PYROXD2: variants seen among roughly 807,000 people sequenced by gnomAD.
PYROXD2 encodes the protein pyridine nucleotide-disulfide oxidoreductase domain-containing protein 2.
A neutral mutation model predicts 71.1 loss-of-function variants in PYROXD2; 69 were observed. The ratio of observed to expected loss-of-function variants is 0.97; its 90% confidence interval spans 0.80 to 1.19. The LOEUF (loss-of-function observed/expected upper bound fraction) is 1.19. PYROXD2 is among the 50% of genes most tolerant of loss of function. The pLI is 0.00. For synonymous variants in PYROXD2, 287 were observed against 302.7 expected (o/e 0.95, Z 0.54); for missense variants, 745 against 748.9 (o/e 0.99, Z 0.06).
At chr10:98,401,293 A>G (rs540004343) in intron 4 of PYROXD2, among the ~76,000 whole-genome samples, 1 of 151,212 alleles carries the variant, frequency 6.6e-6, no homozygotes, top group African/African-American at 2.4e-5. Context: ...TAGAAAAGGT[A>G]CATTAAGAAT....
chr10:98,390,656 C>T lies in PYROXD2; in HGVS notation c.1234G>A (p.Asp412Asn), dbSNP rs759786016. The change falls in exon 12 of 16, where the codon GAC (aspartate) becomes AAC (asparagine). Residue 412 changes from aspartate (D) to asparagine (N), a missense_variant. Physicochemically the swap from Asp to Asn is conservative, Grantham distance 23. Coordinates refer to ENST00000370575, the MANE Select transcript of PYROXD2 (RefSeq NM_032709.3). ...AAGGCCTGATGAAGGAGGAGGGTGT[C>T]TTCACAGTTCAGGTGGATGGAGCAT... The part of the protein sequence containing the change: ...HQCSIHLNCE[D>N]TLLLHQAFED... 124 of 1,612,450 alleles carry T rather than the reference C, an allele frequency of 7.7e-5. No homozygotes were observed. Among genetic ancestry groups the T allele is most frequent in the Non-Finnish European group, 1.7e-6 (2 of 1,179,138 alleles).
rs139788404 is a variant in PYROXD2 at position 98,411,360 on chromosome 10, C to T, written c.128-402G>A. ...GCTGGCATGCTGCTGCGCCAACGTCCCGTCTCGCATGGCAGCATCAGCATC... is the reference window on the plus strand; with the variant it reads ...GCTGGCATGCTGCTGCGCCAACGTCTCGTCTCGCATGGCAGCATCAGCATC... On this transcript the variant is annotated intron_variant, in intron 1 of 15. Coordinates refer to ENST00000370575, the MANE Select transcript of PYROXD2 (RefSeq NM_032709.3). 80 of 225,878 alleles carry T rather than the reference C, an allele frequency of 3.5e-4. 1 individual carries two copies. Among genetic ancestry groups the T allele is most frequent in the African/African-American group, 1.8e-3 (77 of 43,626 alleles). The allele number at this position is 225,878 out of a possible 1,614,324, so 14.0% of individuals were successfully genotyped here.
At chr10:98,404,791 TA>T (rs1192200232) in intron 4 of PYROXD2, among the ~76,000 whole-genome samples, 4 of 151,912 alleles carry the variant, frequency 2.6e-5, no homozygotes, top group Admixed American at 2.6e-4. Context: ...GAGAATGCCA[TA>T]AAAACGACCG....
At chr10:98,397,198 A>T in intron 6 of PYROXD2, 147 bp downstream of exon 6, 1 of 1,106,262 alleles carries the variant, frequency 9.0e-7, no homozygotes, top group Non-Finnish European at 1.3e-6. Flanking sequence ...AAAGTGCTCC[A>T]GGCTGCCCCT....
rs753344077 is a variant in PYROXD2, at chr10:98,415,142, C to T, written c.-7G>A. The T allele has an allele frequency of 3.7e-6, 6 of 1,611,980 alleles. No homozygotes were observed. Among genetic ancestry groups the T allele is most frequent in the Non-Finnish European group, 5.1e-6 (6 of 1,179,244 alleles). ...CTCGGCCACTTGCAGCCATTTCTGC[C>T]CCAGGCTGGGCCTTGCTAGGCAGGG... On this transcript the variant is annotated 5_prime_UTR_variant, in exon 1 of 16. Coordinates refer to ENST00000370575, the MANE Select transcript of PYROXD2 (RefSeq NM_032709.3).
chr10:98,394,563 CA>C (rs1843085798), intron 8 of PYROXD2, among the ~76,000 whole-genome samples: 1 of 151,992 alleles, frequency 6.6e-6, no homozygotes, highest in Non-Finnish European at 1.5e-5. Context: ...CACACACACA[CA>C]CACACACACA....
In PYROXD2 at chr10:98,414,990, GC is replaced by G; in HGVS notation, c.127+18del. The G allele has an allele frequency of 6.2e-7, 1 of 1,610,800 alleles. No individual in the cohort carries two copies. ...CTTCCCGCCCCTCAGCTCTGGCCCG[GC>G]CTGCTTTACCACTTTACCTGCTCCT... On this transcript the variant is annotated intron_variant, in intron 1 of 15. Coordinates refer to ENST00000370575, the MANE Select transcript of PYROXD2 (RefSeq NM_032709.3).
At chr10:98,406,021 G>A (rs1330929480) in intron 4 of PYROXD2, among the ~76,000 whole-genome samples, 1 of 152,178 alleles carries the variant, frequency 6.6e-6, no homozygotes, top group East Asian at 1.9e-4. Context: ...CAATATTCCT[G>A]GAAGGAGTTT....
At chr10:98,389,067 G>A (rs1267667854) in intron 12 of PYROXD2, among the ~76,000 whole-genome samples, 3 of 152,072 alleles carry the variant, frequency 2.0e-5, no homozygotes, top group Admixed American at 1.3e-4. Flanking sequence ...CACGGGAAAT[G>A]CCCCTTCTCC....
At chr10:98,387,136 C>T in intron 14 of PYROXD2, 65 bp downstream of exon 14, 1 of 1,231,558 alleles carries the variant, frequency 8.1e-7, no homozygotes, top group Non-Finnish European at 1.2e-6. Context: ...GCAGAGAGGT[C>T]ATAGCCAGGA....
intron 14 of PYROXD2, among the ~76,000 whole-genome samples, chr10:98,386,393 A>G (rs1356396529): frequency 6.6e-6 from 1 of 151,306 alleles, no homozygotes; most frequent in Non-Finnish European, 1.5e-5. Flanking sequence ...AATGTCAATA[A>G]TATATTTTAT....
At position 98,390,759 on chromosome 10, in the gene PYROXD2, G is replaced by C; in HGVS notation, c.1136-5C>G. The C allele has an allele frequency of 6.3e-7, 1 of 1,580,706 alleles. No individual in the cohort carries two copies. Among genetic ancestry groups the C allele is most frequent in the South Asian group, 1.2e-5 (1 of 85,550 alleles). On this transcript the variant is annotated splice_polypyrimidine_tract_variant and splice_region_variant and intron_variant, in intron 11 of 15. Coordinates refer to ENST00000370575, the MANE Select transcript of PYROXD2 (RefSeq NM_032709.3). ...TGGGCAGCCTGTCTACGGCCACTGA[G>C]GGACCAAAGAGGAGGGTCAGGTCTT...
intron 12 of PYROXD2, among the ~76,000 whole-genome samples, chr10:98,388,893 C>A (rs1342830182): frequency 6.6e-6 from 1 of 152,096 alleles, no homozygotes; most frequent in African/African-American, 2.4e-5. Context: ...AGTGGCCTGA[C>A]TGTCTTTTCC....
Position 98,387,624 on chromosome 10 carries a change from G to GT in PYROXD2, c.1448-318dup, listed in dbSNP as rs550769911. Among the ~76,000 whole-genome samples the GT allele has an allele frequency of 4.8e-3, 539 of 112,980 alleles. 24 individuals carry two copies. The highest frequency in any genetic ancestry group is 5.5e-3 in the Non-Finnish European group (305 of 55,636). The allele number at this position is 112,980 out of a possible 152,430, so 74.1% of individuals were successfully genotyped here. On this transcript the variant is annotated intron_variant, in intron 13 of 15. Coordinates refer to ENST00000370575, the MANE Select transcript of PYROXD2 (RefSeq NM_032709.3). ...TTCACCTCTTCACTTTTCTCAAGCT[G>GT]TTTTTTTTTTTTTTTTTTTTTTTTT...
Position 98,383,821 on chromosome 10 carries a change from A to G in PYROXD2, c.1723T>C (p.Phe575Leu). 6.2e-7 allele frequency: 1 copy of G among 1,614,056 alleles called. No individual in the cohort carries two copies. Among genetic ancestry groups the G allele is most frequent in the Non-Finnish European group, 8.5e-7 (1 of 1,179,994 alleles). The change falls in exon 16 of 16, where the codon TTT becomes CTT. Residue 575 changes from phenylalanine (F) to leucine (L), a missense_variant. Phe to Leu is a conservative substitution (Grantham distance 22). Transcript: ENST00000370575. The stretch of plus-strand genomic sequence containing the variant: ...GGTCACATGCTCTTGAGGTCCCTAA[A>G]GGCCACATGTGCTGCATTTCGCCCA... ...AAGRNAAHVA[F>L]RDLKSM
At chr10:98,394,271 T>A (rs892212016) in intron 8 of PYROXD2, among the ~76,000 whole-genome samples, 1 of 152,028 alleles carries the variant, frequency 6.6e-6, no homozygotes, top group Admixed American at 6.6e-5. Context: ...CTCCCAGGGA[T>A]CCGAAGAGAA....
intron 5 of PYROXD2, among the ~76,000 whole-genome samples, chr10:98,397,941 G>A (rs1334909970): frequency 1.4e-5 from 2 of 141,964 alleles, no homozygotes; most frequent in African/African-American, 5.4e-5. Context: ...GGAGGGCAGT[G>A]GTGCGATGTC....
intron 4 of PYROXD2, among the ~76,000 whole-genome samples, chr10:98,402,897 A>G (rs1843465142): frequency 6.6e-6 from 1 of 152,138 alleles, no homozygotes; most frequent in Non-Finnish European, 1.5e-5. Flanking sequence ...GACACAGTGT[A>G]GTTAATAAGC....
At chr10:98,396,538 A>G (rs1843189720) in intron 6 of PYROXD2, among the ~76,000 whole-genome samples, 1 of 152,184 alleles carries the variant, frequency 6.6e-6, no homozygotes, top group Non-Finnish European at 1.5e-5. Flanking sequence ...AAATAATAGC[A>G]CACTTAATGA....
Sources: allele counts gnomAD v4.1 joint callset (sites outside exome capture counted in the v4.1 genomes callset), GRCh38; gene constraint gnomAD v4.1.1; transcripts MANE v1.5; gene names NCBI Gene and HGNC (gene_info 2026-07-23, HGNC 2026-07-21).